The following NCAPD2 variants were observed in gnomAD, a reference collection of about 807,000 sequenced individuals.
The protein encoded by NCAPD2 is condensin complex subunit 1.
A neutral mutation model predicts 164.5 loss-of-function variants in NCAPD2; 100 were observed. That is an observed-to-expected ratio of 0.61 (90% confidence interval 0.52 to 0.72). NCAPD2 has a LOEUF of 0.72. Among genes scored for constraint, NCAPD2 ranks in the 30% least tolerant of loss-of-function variants. The probability of loss-of-function intolerance (pLI) is 0.00; values close to 1 mark genes in which losing one functional copy is unlikely to be tolerated. For synonymous variants in NCAPD2, 585 were observed against 642.6 expected (o/e 0.91, Z 1.36); for missense variants, 1,560 against 1,749.2 (o/e 0.89, Z 1.93).
chr12:6,521,141 A>T, intron 14 of NCAPD2, 31 bp downstream of exon 14: 1 of 1,610,176 alleles, frequency 6.2e-7, no homozygotes, highest in Non-Finnish European at 8.5e-7. Context: ...GTCAATAAAT[A>T]ACACATGTCA....
intron 27 of NCAPD2, 113 bp from the exon 28 acceptor site, chr12:6,529,400 C>T (rs1356469029): frequency 4.2e-6 from 4 of 954,058 alleles, no homozygotes; most frequent in Non-Finnish European, 6.6e-6. Flanking sequence ...AGACAGGGGC[C>T]GTGGCAGAGA....
At chr12:6,505,919 C>T (rs1042656236) in intron 2 of NCAPD2, among the ~76,000 whole-genome samples, 6 of 151,902 alleles carry the variant, frequency 3.9e-5, no homozygotes, top group African/African-American at 1.5e-4. Context: ...TTCTCTTGGG[C>T]TGTGAATGAT....
rs1257145371 is a variant in NCAPD2 at position 6,514,569 on chromosome 12, T to C, written c.821T>C (p.Ile274Thr). Residue 274 changes from isoleucine to threonine, a missense_variant, in exon 8 of 32, where the codon ATA becomes ACA. By Grantham distance (89) the Ile-to-Thr change is moderately conservative (BLOSUM62 -1). Coordinates refer to ENST00000315579, the MANE Select transcript of NCAPD2 (RefSeq NM_014865.4). Reference sequence around the variant, plus strand: ...GCAACTGACTATGGAATGAAGAGCATAGTGGGAGAGATTGTAAGGTGACTC... The same window carrying C: ...GCAACTGACTATGGAATGAAGAGCACAGTGGGAGAGATTGTAAGGTGACTC... ...LWATDYGMKS[I>T]VGEIVREIGQ... The C allele has an allele frequency of 8.1e-6, 13 of 1,614,034 alleles. No homozygotes were observed. The highest frequency in any genetic ancestry group is 1.1e-5 in the Non-Finnish European group (13 of 1,180,034).
At chr12:6,516,303 A>G (rs973299249) in intron 9 of NCAPD2, among the ~76,000 whole-genome samples, 3 of 144,994 alleles carry the variant, frequency 2.1e-5, no homozygotes, top group Admixed American at 6.8e-5. Flanking sequence ...GGAGTTTGAG[A>G]CCAGCCTGGC....
rs139746094 is a variant in NCAPD2 at position 6,521,049 on chromosome 12, T to C, written c.1653T>C (p.His551=). The change falls in exon 14 of 32, where the codon CAT becomes CAC. Residue 551 remains histidine, a synonymous_variant. Transcript: ENST00000315579. ...TCCAGGAGTCCGAACCCTTCAGTCATATAGACCCAGAGGAGTCAGAGGAGA... is the reference window on the plus strand; with the variant it reads ...TCCAGGAGTCCGAACCCTTCAGTCACATAGACCCAGAGGAGTCAGAGGAGA... ...GHFQESEPFS[H]IDPEESEETR... 2.0e-4 allele frequency: 317 copies of C among 1,614,070 alleles called. 2 individuals carry two copies. Among genetic ancestry groups the C allele is most frequent in the Middle Eastern group, 1.5e-3 (9 of 6,084 alleles).
chr12:6,531,531 C>T lies in NCAPD2; in HGVS notation c.*119C>T. The stretch of plus-strand genomic sequence containing the variant: ...TTTTTTAAAAAAAAAAAAGGCCGGG[C>T]ACTGTGGCTCACGCCTGTAATCCCA... On this transcript the variant is annotated 3_prime_UTR_variant, in exon 32 of 32. Coordinates refer to ENST00000315579, the MANE Select transcript of NCAPD2 (RefSeq NM_014865.4). This position sits in a 1 kb window ranked among gnomAD's most constrained non-coding sequence, Gnocchi z 4.1. 6.6e-7 allele frequency: 1 copy of T among 1,505,264 alleles called. No homozygotes were observed. The highest frequency in any genetic ancestry group is 8.9e-7 in the Non-Finnish European group (1 of 1,127,086). 93.2% of individuals were successfully genotyped at this position (1,505,264 alleles called of 1,614,324 possible).
At chr12:6,529,174 C>A in intron 27 of NCAPD2, 135 bp downstream of exon 27, 2 of 739,762 alleles carry the variant, frequency 2.7e-6, no homozygotes, top group Middle Eastern at 3.9e-4. Context: ...TCTCTTTGTG[C>A]CTATTTCCTC....
chr12:6,511,850 G>A (rs947020936), intron 6 of NCAPD2, among the ~76,000 whole-genome samples: 1 of 152,094 alleles, frequency 6.6e-6, no homozygotes, highest in Admixed American at 6.5e-5. Context: ...TGTGCATGGT[G>A]GTGTGTGCCT....
chr12:6,510,533 C>A, intron 4 of NCAPD2, 96 bp from the exon 5 acceptor site: 1 of 1,390,332 alleles, frequency 7.2e-7, no homozygotes. Flanking sequence ...AAACACAGAT[C>A]TTTGGTAATC....
intron 6 of NCAPD2, among the ~76,000 whole-genome samples, chr12:6,512,516 T>G (rs1452814971): frequency 6.6e-6 from 1 of 152,170 alleles, no homozygotes; most frequent in African/African-American, 2.4e-5. Flanking sequence ...GCCAGAGAGC[T>G]GACAGCTGAG....
At position 6,531,078 on chromosome 12, in the gene NCAPD2, T is replaced by TA; in HGVS notation, c.4120+3dup. 1 of 1,612,938 alleles carries TA rather than the reference T, an allele frequency of 6.2e-7. No homozygotes were observed. The highest frequency in any genetic ancestry group is 8.5e-7 in the Non-Finnish European group (1 of 1,179,930). ...CAAGTGATGAGTCCAGTGAGGAAGG[T>TA]ATGATGCTCCCGCCTGTTCCCGGCC... On this transcript the variant is annotated splice_region_variant and intron_variant, in intron 31 of 31. Transcript: ENST00000315579. This position sits in a 1 kb window ranked among gnomAD's most constrained non-coding sequence, Gnocchi z 4.1.
At chr12:6,520,255 TGAGA>T (rs1301888023) in intron 13 of NCAPD2, among the ~76,000 whole-genome samples, 2 of 151,850 alleles carry the variant, frequency 1.3e-5, no homozygotes, top group Non-Finnish European at 2.9e-5. Flanking sequence ...CCTCTTTTTT[TGAGA>T]GAGAGAGTGT....
chr12:6,521,502 C>A (rs147922537), intron 14 of NCAPD2, among the ~76,000 whole-genome samples: 102 of 152,174 alleles, frequency 6.7e-4, no homozygotes, highest in Non-Finnish European at 1.1e-3. Context: ...AGCAACATGA[C>A]GAAACCCCCA....
At position 6,525,702 on chromosome 12, in the gene NCAPD2, T is replaced by G. The variant is rs780292780; in HGVS notation, c.2334T>G (p.Leu778=). ...PLERCSSVML[L]GMMARGKPEI... ...AGCGCTGTTCCTCTGTCATGCTTCT[T>G]GGCATGATGGCACGGTGAGGCTCAA... Residue 778 remains leucine, a synonymous_variant, in exon 18 of 32, where the codon CTT becomes CTG. Coordinates refer to ENST00000315579, the MANE Select transcript of NCAPD2 (RefSeq NM_014865.4). 22 of 1,613,274 alleles carry G rather than the reference T, an allele frequency of 1.4e-5. No homozygotes were observed. The highest frequency in any genetic ancestry group is 1.9e-5 in the Non-Finnish European group (22 of 1,179,708).
At chr12:6,518,162 A>T in intron 13 of NCAPD2, 1 of 464,650 alleles carries the variant, frequency 2.2e-6, no homozygotes, top group Non-Finnish European at 3.8e-6. Context: ...ATGTTTAAAA[A>T]AACTACTGAA....
At position 6,518,515 on chromosome 12, in the gene NCAPD2, T is replaced by TTGTTTTTTG. The variant is rs1565544172; in HGVS notation, c.1589+557_1589+558insGTTTTTTGT. Among the ~76,000 whole-genome samples the TTGTTTTTTG allele has an allele frequency of 1.9e-3, 207 of 109,248 alleles. 10 individuals are homozygous for TTGTTTTTTG. The South Asian group carries it at 0.047, about 25-fold the overall frequency. 71.7% of individuals were successfully genotyped at this position (109,248 alleles called of 152,430 possible). A position where few individuals can be genotyped will look rare whatever the true frequency, so the allele number is the denominator to read the frequency against. ...ACAGCCGTCAACAAGTTTTTTTTTT[T>TTGTTTTTTG]TTTTTTTTTTTTTTTTTTTGAGATG... On this transcript the variant is annotated intron_variant, in intron 13 of 31. Transcript: ENST00000315579.
intron 2 of NCAPD2, 63 bp downstream of exon 2, chr12:6,495,288 T>G (rs1945968229): frequency 6.3e-7 from 1 of 1,575,938 alleles, no homozygotes; most frequent in South Asian, 1.1e-5. Context: ...ATGGAATTGC[T>G]ACATTGTCAT....
At chr12:6,511,342 T>C in intron 6 of NCAPD2, 90 bp downstream of exon 6, 5 of 1,460,000 alleles carry the variant, frequency 3.4e-6, no homozygotes, top group Non-Finnish European at 4.6e-6. Context: ...TTGTTTTTTT[T>C]TTGTGGGGGG....
chr12:6,494,631 T>A (rs1188179592), intron 1 of NCAPD2, among the ~76,000 whole-genome samples: 3 of 152,242 alleles, frequency 2.0e-5, no homozygotes, highest in Non-Finnish European at 4.4e-5. Context: ...ATTCTCTCTA[T>A]ACTTAAGGAG....
Sources: allele counts gnomAD v4.1 joint callset (sites outside exome capture counted in the v4.1 genomes callset), GRCh38; gene constraint gnomAD v4.1.1; non-coding constraint Gnocchi (gnomAD v3.1); transcripts MANE v1.5; gene names NCBI Gene and HGNC (gene_info 2026-07-23, HGNC 2026-07-21).